The following ACTL8 variants were observed in gnomAD, a reference collection of about 807,000 sequenced individuals.
ACTL8 encodes the protein actin like 8, also known as actin-like protein 8.
ACTL8 carries 3 observed loss-of-function variants against 9.3 expected under a neutral mutation model. That is an observed-to-expected ratio of 0.32 (90% CI 0.15 to 0.83). The LOEUF (loss-of-function observed/expected upper bound fraction) is 0.83. Among genes scored for constraint, ACTL8 ranks in the 40% least tolerant of loss-of-function variants. ACTL8 has a pLI of 0.57. For missense variants in ACTL8, 381 were observed against 492.2 expected, an observed-to-expected ratio of 0.77 and a Z score of 2.14; for synonymous variants, 224 against 205.9, an observed-to-expected ratio of 1.09 and a Z score of -0.75.
chr1:17,823,053 G>A lies in ACTL8; in HGVS notation c.45G>A (p.Leu15=). 6.2e-7 allele frequency: 1 copy of A among 1,614,158 alleles called. No individual in the cohort carries two copies. The highest frequency in any genetic ancestry group is 1.1e-5 in the South Asian group (1 of 91,086). The part of the protein sequence containing the change: ...TVIIDHGSGF[L]KAGTAGWNEP... The stretch of plus-strand genomic sequence containing the variant: ...TCATTGACCACGGGTCTGGCTTTTT[G>A]AAGGCTGGCACGGCCGGCTGGAATG... The change falls in exon 2 of 3, where the codon TTG becomes TTA. Residue 15 remains leucine, a synonymous_variant. Coordinates refer to ENST00000375406, the MANE Select transcript of ACTL8 (RefSeq NM_030812.3). This position sits in a 1 kb window ranked among gnomAD's most constrained non-coding sequence, Gnocchi z 5.3.
At chr1:17,815,845 T>C (rs930677215) in intron 1 of ACTL8, among the ~76,000 whole-genome samples, 5 of 152,230 alleles carry the variant, frequency 3.3e-5, no homozygotes, top group African/African-American at 1.2e-4. Context: ...CTTTGCTCAG[T>C]AAATTTTTTT....
chr1:17,799,223 A>G (rs2066302145), intron 1 of ACTL8, among the ~76,000 whole-genome samples: 1 of 152,104 alleles, frequency 6.6e-6, no homozygotes, highest in Non-Finnish European at 1.5e-5. Flanking sequence ...AGCCAGTCCC[A>G]TTGGGCTCAC....
intron 1 of ACTL8, among the ~76,000 whole-genome samples, chr1:17,805,371 C>CT (rs67716211): frequency 8.3e-6 from 1 of 120,878 alleles, no homozygotes; most frequent in Non-Finnish European, 1.7e-5. Flanking sequence ...TTTTCTTTTT[C>CT]TTTTTCTTTT....
chr1:17,790,600 C>G (rs887826444), intron 1 of ACTL8, among the ~76,000 whole-genome samples: 10 of 152,174 alleles, frequency 6.6e-5, no homozygotes, highest in Non-Finnish European at 1.5e-4. Flanking sequence ...CACCCATGGG[C>G]GGGCCCAGAA....
At chr1:17,816,475 A>G (rs1207904228) in intron 1 of ACTL8, among the ~76,000 whole-genome samples, 1 of 152,200 alleles carries the variant, frequency 6.6e-6, no homozygotes, top group Non-Finnish European at 1.5e-5. Context: ...AAGTGCTAGT[A>G]TTACAGGCGT....
chr1:17,820,187 C>T (rs2053641273), intron 1 of ACTL8, among the ~76,000 whole-genome samples: 1 of 152,134 alleles, frequency 6.6e-6, no homozygotes, highest in South Asian at 2.1e-4. Context: ...TGGCTGCCAG[C>T]GGCCACTGAT....
chr1:17,823,671 T>G lies in ACTL8; in HGVS notation c.348+315T>G, dbSNP rs920846962. On this transcript the variant is annotated intron_variant, in intron 2 of 2. Transcript: ENST00000375406. The surrounding 1 kb of genome is among the most constrained non-coding windows in gnomAD (Gnocchi z 5.3). ...TGAGCCCGGGAGGTCGAGAATAGAG[T>G]GAGCTGAGATCACGACACTGCACTC... 6.6e-6 allele frequency among the ~76,000 whole-genome samples: 1 copy of G among 150,988 alleles called. No individual in the cohort carries two copies. The highest frequency in any genetic ancestry group is 1.5e-5 in the Non-Finnish European group (1 of 67,764).
intron 1 of ACTL8, among the ~76,000 whole-genome samples, chr1:17,768,220 G>A (rs1295766684): frequency 1.6e-5 from 2 of 123,550 alleles, no homozygotes; most frequent in African/African-American, 5.3e-5. Context: ...TCTGCTCAAG[G>A]CCCTCTGGGG....
At chr1:17,813,251 C>T (rs1279647675) in intron 1 of ACTL8, among the ~76,000 whole-genome samples, 1 of 152,212 alleles carries the variant, frequency 6.6e-6, no homozygotes, top group East Asian at 1.9e-4. Flanking sequence ...CTACTTCTCA[C>T]TATTACCTAT....
chr1:17,787,670 A>AT (rs71018040), intron 1 of ACTL8, among the ~76,000 whole-genome samples: 21,850 of 145,434 alleles, frequency 0.15, 1,775 homozygotes, highest in African/African-American at 0.21. Context: ...TTCATTTCTC[A>AT]TTTTTTTTTT....
intron 1 of ACTL8, among the ~76,000 whole-genome samples, chr1:17,805,366 TTTTTCTTTTTC>T (rs2066351773): frequency 1.0e-5 from 1 of 96,960 alleles, no homozygotes; most frequent in African/African-American, 4.6e-5. Context: ...ATATATTTTC[TTTTTCTTTTTC>T]TTTTTTTTTT....
chr1:17,767,364 G>A lies in ACTL8; in HGVS notation c.-25+11860G>A, dbSNP rs974544568. Among the ~76,000 whole-genome samples the A allele has an allele frequency of 5.3e-5, 8 of 152,166 alleles. No homozygotes were observed. The highest frequency in any genetic ancestry group is 1.0e-4 in the Non-Finnish European group (7 of 68,018). On this transcript the variant is annotated intron_variant, in intron 1 of 2. Transcript: ENST00000375406. This position sits in a 1 kb window ranked among gnomAD's most constrained non-coding sequence, Gnocchi z 4.7. ...AGGCAGGGGGGCCAGTGTGGGGGCC[G>A]TCCCTGTGGTACAGGGGTGAGACGA...
intron 1 of ACTL8, among the ~76,000 whole-genome samples, chr1:17,776,760 C>T (rs2066120706): frequency 6.6e-6 from 1 of 152,098 alleles, no homozygotes; most frequent in Admixed American, 6.6e-5. Context: ...CTGTTTTATG[C>T]ATTCCTTCCA....
chr1:17,768,208 G>T (rs1248183455), intron 1 of ACTL8, among the ~76,000 whole-genome samples: 2 of 140,394 alleles, frequency 1.4e-5, no homozygotes, highest in East Asian at 2.1e-4. Context: ...TTTCTAGCAA[G>T]ATCTGCTCAA....
At chr1:17,761,771 A>G (rs532534669) in intron 1 of ACTL8, among the ~76,000 whole-genome samples, 10 of 152,132 alleles carry the variant, frequency 6.6e-5, no homozygotes, top group African/African-American at 2.4e-4. Context: ...GGGTTTCACC[A>G]TGTTGGCCAG....
chr1:17,799,057 T>A (rs1045680023), intron 1 of ACTL8, among the ~76,000 whole-genome samples: 2 of 152,194 alleles, frequency 1.3e-5, no homozygotes, highest in African/African-American at 4.8e-5. Context: ...CCTCTCTGGT[T>A]TTCCACTTTA....
chr1:17,793,007 G>A (rs2066251365), intron 1 of ACTL8, among the ~76,000 whole-genome samples: 1 of 152,222 alleles, frequency 6.6e-6, no homozygotes, highest in African/African-American at 2.4e-5. Context: ...TGCCCTGGGA[G>A]AGAGAAAGCA....
At chr1:17,812,951 T>G (rs202176348) in intron 1 of ACTL8, among the ~76,000 whole-genome samples, 2 of 152,266 alleles carry the variant, frequency 1.3e-5, no homozygotes, top group East Asian at 3.8e-4. Flanking sequence ...AGCGATTTAT[T>G]GATAGTATAT....
At chr1:17,811,244 T>C (rs2066391633) in intron 1 of ACTL8, among the ~76,000 whole-genome samples, 2 of 152,228 alleles carry the variant, frequency 1.3e-5, no homozygotes, top group Admixed American at 6.5e-5. Flanking sequence ...GTGTAGCTTA[T>C]TTGATGAAGT....
Sources: gnomAD v4.1 joint callset for allele counts (sites outside exome capture counted in the v4.1 genomes callset) on GRCh38, gnomAD v4.1.1 for gene constraint, Gnocchi (gnomAD v3.1) non-coding constraint, MANE v1.5 for transcripts, NCBI Gene and HGNC (gene_info 2026-07-23, HGNC 2026-07-21) for gene names.